Variants in IQSEC1 observed in about 807,000 individuals in gnomAD.
IQSEC1 encodes the protein IQ motif and SEC7 domain-containing protein 1.
Under a neutral mutation model 91.0 loss-of-function variants are expected in IQSEC1, and 31 were observed. That is an observed-to-expected ratio of 0.34 (90% CI 0.26 to 0.46). The LOEUF (loss-of-function observed/expected upper bound fraction) is 0.46. Among genes scored for constraint, IQSEC1 ranks in the 20% least tolerant of loss-of-function variants. The pLI, the probability that IQSEC1 is intolerant of heterozygous loss-of-function variation, is 1.00. For synonymous variants in IQSEC1, 699 were observed against 662.6 expected (o/e 1.05, Z -0.84); for missense variants, 1,388 against 1,575.6 (o/e 0.88, Z 2.02).
intron 1 of IQSEC1, among the ~76,000 whole-genome samples, chr3:13,065,841 C>T (rs1253223562): frequency 6.6e-6 from 1 of 152,220 alleles, no homozygotes; most frequent in African/African-American, 2.4e-5. Context: ...ACCCAGTGTC[C>T]ATCAATGGGT....
At chr3:13,190,399 C>T (rs1436371884) in intron 1 of IQSEC1, among the ~76,000 whole-genome samples, 3 of 146,878 alleles carry the variant, frequency 2.0e-5, no homozygotes, top group Non-Finnish European at 4.4e-5. Flanking sequence ...AACCTCATCT[C>T]TATACAAAAT....
Position 12,909,402 on chromosome 3 carries a change from C to T in IQSEC1, c.2449G>A (p.Val817Ile). 6.2e-7 allele frequency: 1 copy of T among 1,614,126 alleles called. No individual in the cohort carries two copies. Among genetic ancestry groups the T allele is most frequent in the African/African-American group, 1.3e-5 (1 of 75,042 alleles). The change falls in exon 11 of 14, where the codon GTC becomes ATC. Residue 817 changes from valine to isoleucine, a missense_variant. This residue lies in a region of IQSEC1 where 1,059 missense variants were observed against 1,317.8 expected (regional missense o/e 0.80). Transcript: ENST00000613206. This position sits in a 1 kb window ranked among gnomAD's most constrained non-coding sequence, Gnocchi z 4.9. ...AACACTTTGATATCTGCTCCGGGGA[C>T]AGACGAGGTGAGCCGGATGCCATTG... is the stretch of plus-strand genomic sequence containing the variant. ...YPNGIRLTSSVPGADIKVLIN... is the reference protein window; with the variant it reads ...YPNGIRLTSSIPGADIKVLIN...
At chr3:13,001,388 T>C (rs1316286358) in intron 1 of IQSEC1, among the ~76,000 whole-genome samples, 1 of 152,204 alleles carries the variant, frequency 6.6e-6, no homozygotes, top group East Asian at 1.9e-4. Flanking sequence ...AATGGCTCTA[T>C]ATTAGGGGTT....
At chr3:13,082,551 G>T (rs1705662460) in intron 2 of IQSEC1, among the ~76,000 whole-genome samples, 2 of 152,214 alleles carry the variant, frequency 1.3e-5, no homozygotes, top group Admixed American at 1.3e-4. Context: ...TGGCCAGCCT[G>T]GAGGTCAGAG....
intron 1 of IQSEC1, among the ~76,000 whole-genome samples, chr3:13,175,091 C>T (rs1311516322): frequency 1.3e-5 from 2 of 152,184 alleles, no homozygotes; most frequent in Non-Finnish European, 2.9e-5. Flanking sequence ...GACTACCCTT[C>T]CCTCTCTCAC....
chr3:12,911,639 G>A lies in IQSEC1; in HGVS notation c.2406C>T (p.Phe802=), dbSNP rs146668270. ...FSLYGMQVLL[F]ENQYYPNGIR... Reference sequence around the variant, plus strand: ...TGGGGGCAGACTTACACTGGTTCTCGAAGAGCAGGACCTGCATGCCGTACA... The same window carrying A: ...TGGGGGCAGACTTACACTGGTTCTCAAAGAGCAGGACCTGCATGCCGTACA... The change falls in exon 10 of 14, where the codon TTC becomes TTT. Residue 802 remains phenylalanine, a synonymous_variant. Transcript: ENST00000613206. The A allele has an allele frequency of 8.2e-4, 1,322 of 1,612,660 alleles. 15 individuals carry two copies. In the African/African-American group the frequency reaches 0.016, roughly 19 times the overall value.
intron 2 of IQSEC1, among the ~76,000 whole-genome samples, chr3:13,163,413 G>A (rs761578747): frequency 6.6e-6 from 1 of 152,154 alleles, no homozygotes; most frequent in African/African-American, 2.4e-5. Flanking sequence ...CCTCTCCTTC[G>A]CATCCCCAGC....
chr3:13,134,264 G>C (rs1403322156), intron 2 of IQSEC1, among the ~76,000 whole-genome samples: 1 of 152,234 alleles, frequency 6.6e-6, no homozygotes, highest in Non-Finnish European at 1.5e-5. Flanking sequence ...CATCCCACAG[G>C]CCATGTTCTC....
At chr3:13,171,642 C>A (rs1253384727) in intron 1 of IQSEC1, among the ~76,000 whole-genome samples, 5 of 152,246 alleles carry the variant, frequency 3.3e-5, no homozygotes, top group Admixed American at 6.5e-5. Context: ...TTTGCAATTT[C>A]TTCCCTATTC....
At chr3:13,071,617 G>C (rs548257331) in intron 1 of IQSEC1, among the ~76,000 whole-genome samples, 5 of 152,328 alleles carry the variant, frequency 3.3e-5, no homozygotes, top group Admixed American at 2.6e-4. Context: ...CAGGGAGTGA[G>C]AACTTTGGTG....
intron 13 of IQSEC1, among the ~76,000 whole-genome samples, chr3:12,901,995 G>A (rs960234613): frequency 4.0e-5 from 6 of 151,886 alleles, no homozygotes; most frequent in East Asian, 3.9e-4. Flanking sequence ...CATGTGCTCC[G>A]CCCATGTGGG....
intron 1 of IQSEC1, among the ~76,000 whole-genome samples, chr3:13,052,181 G>T (rs571745325): frequency 2.0e-5 from 3 of 152,234 alleles, no homozygotes; most frequent in African/African-American, 7.2e-5. Flanking sequence ...AGGCTCTCCG[G>T]GCACCCTCTG....
chr3:13,277,754 G>C (rs1695717710), intron 1 of IQSEC1, among the ~76,000 whole-genome samples: 1 of 152,156 alleles, frequency 6.6e-6, no homozygotes, highest in South Asian at 2.1e-4. Flanking sequence ...CCTCTGCCCT[G>C]CCACCCTTTC....
intron 2 of IQSEC1, among the ~76,000 whole-genome samples, chr3:13,138,771 G>A (rs994021079): frequency 6.6e-6 from 1 of 151,948 alleles, no homozygotes; most frequent in Non-Finnish European, 1.5e-5. Context: ...TCCCTTTGCA[G>A]TCAGGCCTCC....
chr3:13,275,839 G>C (rs939898631), intron 1 of IQSEC1, among the ~76,000 whole-genome samples: 1 of 152,206 alleles, frequency 6.6e-6, no homozygotes, highest in Non-Finnish European at 1.5e-5. Flanking sequence ...TGGCAGTCGG[G>C]TGCAGGCAGT....
At chr3:13,195,115 C>A (rs1694102979) in intron 1 of IQSEC1, among the ~76,000 whole-genome samples, 1 of 152,090 alleles carries the variant, frequency 6.6e-6, no homozygotes, top group African/African-American at 2.4e-5. Context: ...CGAGTAGTAT[C>A]TAGAATATAA....
At chr3:13,185,895 G>T (rs1693922902) in intron 1 of IQSEC1, among the ~76,000 whole-genome samples, 1 of 152,238 alleles carries the variant, frequency 6.6e-6, no homozygotes, top group African/African-American at 2.4e-5. Context: ...CTTCATTCCT[G>T]TCCAGGGCAG....
intron 2 of IQSEC1, among the ~76,000 whole-genome samples, chr3:13,148,417 A>G (rs1270134418): frequency 6.6e-6 from 1 of 152,216 alleles, no homozygotes; most frequent in Non-Finnish European, 1.5e-5. Context: ...ACACTCTGCC[A>G]CGAATCAAAT....
In IQSEC1 at chr3:12,935,364, G is replaced by C. The variant is rs1464722400; in HGVS notation, c.1568+84C>G. The C allele has an allele frequency of 3.6e-6, 5 of 1,372,704 alleles. No individual in the cohort carries two copies. Among genetic ancestry groups the C allele is most frequent in the Middle Eastern group, 2.0e-4 (1 of 4,962 alleles). The allele number at this position is 1,372,704 out of a possible 1,614,324, so 85.0% of individuals were successfully genotyped here. The stretch of plus-strand genomic sequence containing the variant: ...GGCCACGGTGGACCTCAAGCTCCGT[G>C]CTTGGAAGGATGCAGCCACGCCCAC... On this transcript the variant is annotated intron_variant, in intron 3 of 13. Transcript: ENST00000613206. This position sits in a 1 kb window ranked among gnomAD's most constrained non-coding sequence, Gnocchi z 8.0.
Sources: allele counts gnomAD v4.1 joint callset (sites outside exome capture counted in the v4.1 genomes callset), GRCh38; gene constraint gnomAD v4.1.1; regional missense constraint gnomAD v4.1.1; non-coding constraint Gnocchi (gnomAD v3.1); transcripts MANE v1.5; gene names NCBI Gene and HGNC (gene_info 2026-07-23, HGNC 2026-07-21).